PCBP3: variants seen among roughly 807,000 people sequenced by gnomAD.
PCBP3 encodes the protein poly(rC) binding protein 3.
A neutral mutation model predicts 52.7 loss-of-function variants in PCBP3; 25 were observed. That is an observed-to-expected ratio of 0.47 (90% CI 0.35 to 0.66). The LOEUF (loss-of-function observed/expected upper bound fraction) is 0.66, where lower values mean the gene tolerates loss of function less well. PCBP3 is among the 30% of genes least tolerant of loss of function. The probability of loss-of-function intolerance (pLI) is 0.01; values close to 1 mark genes in which losing one functional copy is unlikely to be tolerated. For missense variants in PCBP3, 391 were observed against 490.3 expected (o/e 0.80, Z 1.91); for synonymous variants, 162 against 183.0 (o/e 0.89, Z 0.93).
At chr21:45,902,973 A>C (rs2096103652) in intron 9 of PCBP3, among the ~76,000 whole-genome samples, 1 of 152,252 alleles carries the variant, frequency 6.6e-6, no homozygotes, top group South Asian at 2.1e-4. Flanking sequence ...TTCCACGAGT[A>C]CACAAATAAT....
intron 1 of PCBP3, 63 bp downstream of exon 1, chr21:45,643,931 C>T (rs2079079296): frequency 6.7e-6 from 1 of 149,060 alleles, no homozygotes; most frequent in African/African-American, 2.4e-5. Flanking sequence ...GGGACCCAGT[C>T]CCCGACGGAG....
At chr21:45,807,761 A>AAC (rs2092554794) in intron 4 of PCBP3, among the ~76,000 whole-genome samples, 1 of 143,236 alleles carries the variant, frequency 7.0e-6, no homozygotes, top group African/African-American at 3.0e-5. Context: ...AAACAAAACA[A>AAC]AAAAAAAACC....
chr21:45,927,826 C>T (rs1456925228), intron 13 of PCBP3, among the ~76,000 whole-genome samples: 1 of 152,162 alleles, frequency 6.6e-6, no homozygotes, highest in Admixed American at 6.5e-5. Context: ...TTCCTGTCGC[C>T]ACGGCCACAA....
intron 2 of PCBP3, among the ~76,000 whole-genome samples, chr21:45,679,523 C>T (rs1312997449): frequency 6.6e-6 from 1 of 152,078 alleles, no homozygotes; most frequent in Non-Finnish European, 1.5e-5. Context: ...TTTTATATGC[C>T]TTGGGAAATG....
intron 6 of PCBP3, among the ~76,000 whole-genome samples, chr21:45,897,451 G>C (rs922210354): frequency 6.6e-6 from 1 of 152,210 alleles, no homozygotes; most frequent in Non-Finnish European, 1.5e-5. Context: ...CTGTCCCGGG[G>C]TGTGCCTGTC....
chr21:45,785,995 C>T (rs1198236515), intron 4 of PCBP3, among the ~76,000 whole-genome samples: 1 of 150,060 alleles, frequency 6.7e-6, no homozygotes, highest in Non-Finnish European at 1.5e-5. Context: ...ACAAACACTG[C>T]GGAAGGCCGC....
intron 2 of PCBP3, among the ~76,000 whole-genome samples, chr21:45,679,156 T>C (rs1418902695): frequency 6.6e-6 from 1 of 151,798 alleles, no homozygotes; most frequent in African/African-American, 2.4e-5. Flanking sequence ...GGAGTCTCTG[T>C]TGCCCAGGCT....
rs190771151 is a variant in PCBP3, at chr21:45,755,199, A to G, written c.-161-218A>G. On this transcript the variant is annotated intron_variant, in intron 3 of 17. Transcript: ENST00000681687. ...TTCTCAGAATGTGGAATCATGCAGC[A>G]TGTGACATTTTGACTCTGCTTTATC... is the stretch of plus-strand genomic sequence containing the variant. Among the ~76,000 whole-genome samples the G allele has an allele frequency of 1.6e-3, 239 of 152,316 alleles. 4 individuals are homozygous for G. The highest frequency in any genetic ancestry group is 3.1e-4 in the Non-Finnish European group (21 of 68,016).
intron 4 of PCBP3, among the ~76,000 whole-genome samples, chr21:45,775,837 G>A (rs748703663): frequency 6.6e-6 from 1 of 152,104 alleles, no homozygotes; most frequent in African/African-American, 2.4e-5. Context: ...ATGCCATTTA[G>A]TTCTCCTCTG....
At position 45,909,539 on chromosome 21, in the gene PCBP3, G is replaced by T; in HGVS notation, c.471+53G>T. 3.2e-6 allele frequency: 5 copies of T among 1,585,230 alleles called. No homozygotes were observed. The South Asian group carries it at 5.6e-5, about 18-fold the overall frequency. On this transcript the variant is annotated intron_variant, in intron 10 of 17. Coordinates refer to ENST00000681687, the MANE Select transcript of PCBP3 (RefSeq NM_001384156.1). ...CTGCGGAGCCTCTAGGCGGGCTGCG[G>T]GTGGTGGCCACAGGCCAGGCAGCCT...
chr21:45,762,233 G>T (rs1015113596), intron 4 of PCBP3: 1 of 152,264 alleles, frequency 6.6e-6, no homozygotes, highest in African/African-American at 2.4e-5. Context: ...GCAAGGGCAG[G>T]AGGCCTCAGC....
intron 2 of PCBP3, among the ~76,000 whole-genome samples, chr21:45,685,715 C>T (rs1406144245): frequency 6.6e-6 from 1 of 152,098 alleles, no homozygotes; most frequent in Non-Finnish European, 1.5e-5. Context: ...AAAGCTCAGG[C>T]AGGCTTAGTT....
At chr21:45,672,079 A>G (rs1005556398) in intron 2 of PCBP3, among the ~76,000 whole-genome samples, 1 of 152,126 alleles carries the variant, frequency 6.6e-6, no homozygotes, top group African/African-American at 2.4e-5. Context: ...GGATTAATCT[A>G]TTCATGGGTT....
intron 9 of PCBP3, among the ~76,000 whole-genome samples, chr21:45,906,982 G>A (rs549821739): frequency 3.3e-5 from 5 of 152,332 alleles, no homozygotes; most frequent in South Asian, 4.1e-4. Context: ...AGGAAGAGCC[G>A]CAGTGGCCAC....
At chr21:45,833,426 C>T (rs538701958) in intron 4 of PCBP3, among the ~76,000 whole-genome samples, 1 of 152,278 alleles carries the variant, frequency 6.6e-6, no homozygotes, top group African/African-American at 2.4e-5. Context: ...AACCTTAGAA[C>T]CTAAAAAATC....
At chr21:45,677,251 C>T (rs1048957753) in intron 2 of PCBP3, among the ~76,000 whole-genome samples, 1 of 152,164 alleles carries the variant, frequency 6.6e-6, no homozygotes, top group Non-Finnish European at 1.5e-5. Context: ...AGCGAAACAG[C>T]CTTGTTGCTG....
chr21:45,890,831 G>A (rs1246478287), intron 5 of PCBP3, among the ~76,000 whole-genome samples: 9 of 150,204 alleles, frequency 6.0e-5, no homozygotes, highest in Non-Finnish European at 1.3e-4. Flanking sequence ...GTAGATAATA[G>A]AACCTGGAAC....
At chr21:45,809,633 C>G (rs1246580428) in intron 4 of PCBP3, among the ~76,000 whole-genome samples, 1 of 152,222 alleles carries the variant, frequency 6.6e-6, no homozygotes, top group Non-Finnish European at 1.5e-5. Context: ...CCGCTTCCCC[C>G]CTGCCGCTGC....
chr21:45,868,048 G>A (rs570027454), intron 5 of PCBP3, among the ~76,000 whole-genome samples: 29 of 152,396 alleles, frequency 1.9e-4, no homozygotes, highest in South Asian at 1.4e-3. Flanking sequence ...ACTCGGAGGC[G>A]CAGTGGGCCC....
Sources: gnomAD v4.1 joint callset for allele counts (sites outside exome capture counted in the v4.1 genomes callset) on GRCh38, gnomAD v4.1.1 for gene constraint, MANE v1.5 for transcripts, NCBI Gene and HGNC (gene_info 2026-07-23, HGNC 2026-07-21) for gene names.